PAPPA2: variants seen among roughly 807,000 people sequenced by gnomAD.
PAPPA2 encodes pappalysin-2.
PAPPA2 carries 86 observed loss-of-function variants against 176.4 expected under a neutral mutation model. That is an observed-to-expected ratio of 0.49 (90% CI 0.41 to 0.58). PAPPA2 has a LOEUF of 0.58. Among genes scored for constraint, PAPPA2 ranks in the 20% least tolerant of loss-of-function variants. The pLI, the probability that PAPPA2 is intolerant of heterozygous loss-of-function variation, is 0.00. For synonymous variants in PAPPA2, 809 were observed against 852.2 expected, an observed-to-expected ratio of 0.95 and a Z score of 0.88; for missense variants, 2,073 against 2,256.9, an observed-to-expected ratio of 0.92 and a Z score of 1.65.
At chr1:176,820,600 T>A (rs1666621517) in intron 21 of PAPPA2, among the ~76,000 whole-genome samples, 1 of 152,186 alleles carries the variant, frequency 6.6e-6, no homozygotes, top group African/African-American at 2.4e-5. Context: ...CAGCCACATG[T>A]CATGCATGGC....
chr1:176,697,458 T>C (rs2102815941), intron 7 of PAPPA2, among the ~76,000 whole-genome samples: 1 of 152,300 alleles, frequency 6.6e-6, no homozygotes, highest in Non-Finnish European at 1.5e-5. Context: ...AGTCTTTGCT[T>C]TGAAAAGGTG....
intron 21 of PAPPA2, among the ~76,000 whole-genome samples, chr1:176,837,459 T>A (rs1192397500): frequency 7.1e-6 from 1 of 141,542 alleles, no homozygotes; most frequent in Non-Finnish European, 1.5e-5. Flanking sequence ...GACTTTGGGT[T>A]CTATATGTTG....
rs111840218 is a variant in PAPPA2, at chr1:176,712,015, A to G, written c.3798+34A>G. On this transcript the variant is annotated intron_variant, in intron 12 of 22. Coordinates refer to ENST00000367662, the MANE Select transcript of PAPPA2 (RefSeq NM_020318.3). ...CCCAAATGTTTCTTTTGTGCATGTG[A>G]AAGGTGTAAGCATATGTGTGTGTGT... 25 of 1,593,328 alleles carry G rather than the reference A, an allele frequency of 1.6e-5. No homozygotes were observed. In the African/African-American group the frequency reaches 2.0e-4, roughly 13 times the overall value.
At chr1:176,617,414 G>A (rs913219670) in intron 3 of PAPPA2, among the ~76,000 whole-genome samples, 2 of 152,038 alleles carry the variant, frequency 1.3e-5, no homozygotes, top group African/African-American at 4.8e-5. Flanking sequence ...TGGTGCATCC[G>A]TCACATGAGC....
intron 12 of PAPPA2, among the ~76,000 whole-genome samples, chr1:176,724,156 CAT>C (rs1188218933): frequency 1.4e-4 from 22 of 152,196 alleles, no homozygotes; most frequent in Non-Finnish European, 2.8e-4. Context: ...CAGACAGAAA[CAT>C]AGCACGAGCA....
chr1:176,785,951 A>ATAAT (rs1664916412), intron 17 of PAPPA2, among the ~76,000 whole-genome samples: 1 of 152,182 alleles, frequency 6.6e-6, no homozygotes, highest in Non-Finnish European at 1.5e-5. Context: ...GTTTTCCTTT[A>ATAAT]TAATCATGCT....
intron 3 of PAPPA2, among the ~76,000 whole-genome samples, chr1:176,630,464 T>G (rs1656276439): frequency 6.6e-6 from 1 of 152,082 alleles, no homozygotes; most frequent in Admixed American, 6.6e-5. Context: ...GAACAGATAA[T>G]GAGAACCTAT....
At chr1:176,477,775 A>T (rs1031943138) in intron 1 of PAPPA2, among the ~76,000 whole-genome samples, 1 of 109,316 alleles carries the variant, frequency 9.1e-6, no homozygotes, top group African/African-American at 5.3e-5. Context: ...ACATTAAAAA[A>T]TAAATAAAAT....
chr1:176,788,204 T>G (rs1665026964), intron 17 of PAPPA2, among the ~76,000 whole-genome samples: 1 of 152,254 alleles, frequency 6.6e-6, no homozygotes, highest in Non-Finnish European at 1.5e-5. Context: ...ACTTACTTAA[T>G]GCCGAATATA....
chr1:176,723,889 AT>A (rs1215942971), intron 12 of PAPPA2, among the ~76,000 whole-genome samples: 1 of 152,190 alleles, frequency 6.6e-6, no homozygotes, highest in African/African-American at 2.4e-5. Flanking sequence ...CTCATGCACT[AT>A]TTGCATTTGA....
chr1:176,468,598 G>T (rs1426291038), intron 1 of PAPPA2, among the ~76,000 whole-genome samples: 2 of 152,144 alleles, frequency 1.3e-5, no homozygotes, highest in African/African-American at 2.4e-5. Context: ...TCAGAGGCAG[G>T]TGTGAGTGCA....
intron 1 of PAPPA2, among the ~76,000 whole-genome samples, chr1:176,505,979 G>T (rs1024851923): frequency 2.0e-5 from 3 of 152,084 alleles, no homozygotes; most frequent in Non-Finnish European, 2.9e-5. Context: ...TTAGACTGGA[G>T]AATTCTTGTT....
intron 20 of PAPPA2, among the ~76,000 whole-genome samples, chr1:176,795,314 C>G (rs565966592): frequency 1.3e-5 from 2 of 152,060 alleles, no homozygotes; most frequent in Non-Finnish European, 2.9e-5. Flanking sequence ...CTCCTCAATG[C>G]GGGATTCATT....
intron 7 of PAPPA2, among the ~76,000 whole-genome samples, chr1:176,698,256 G>A (rs528644195): frequency 1.3e-5 from 2 of 152,240 alleles, no homozygotes; most frequent in African/African-American, 4.8e-5. Context: ...CTAGTAAGGC[G>A]GGGCTAAACA....
chr1:176,754,183 T>C (rs1571275970), intron 14 of PAPPA2, among the ~76,000 whole-genome samples: 1 of 152,120 alleles, frequency 6.6e-6, no homozygotes, highest in East Asian at 1.9e-4. Flanking sequence ...GGATACATTC[T>C]GAGAACTAGC....
chr1:176,810,755 C>T (rs925869889), intron 21 of PAPPA2, among the ~76,000 whole-genome samples: 1 of 152,190 alleles, frequency 6.6e-6, no homozygotes, highest in Non-Finnish European at 1.5e-5. Context: ...GAATCAGAAA[C>T]TGTGGGGGTG....
chr1:176,835,177 C>T (rs946226527), intron 21 of PAPPA2, among the ~76,000 whole-genome samples: 1 of 152,134 alleles, frequency 6.6e-6, no homozygotes, highest in African/African-American at 2.4e-5. Flanking sequence ...GGTGTGGCAT[C>T]GTAGAAAGAA....
At chr1:176,708,566 A>G (rs1020022421) in intron 10 of PAPPA2, among the ~76,000 whole-genome samples, 6 of 147,778 alleles carry the variant, frequency 4.1e-5, no homozygotes, top group African/African-American at 1.5e-4. Context: ...GAGAATCATC[A>G]TGGGAAAGTC....
At chr1:176,721,324 A>G (rs1661604921) in intron 12 of PAPPA2, among the ~76,000 whole-genome samples, 2 of 152,182 alleles carry the variant, frequency 1.3e-5, no homozygotes, top group South Asian at 4.1e-4. Context: ...TGCTCTCTGC[A>G]TTTTTAAAGT....
Sources: allele counts gnomAD v4.1 joint callset (sites outside exome capture counted in the v4.1 genomes callset), GRCh38; gene constraint gnomAD v4.1.1; transcripts MANE v1.5; gene names NCBI Gene and HGNC (gene_info 2026-07-23, HGNC 2026-07-21).